ASB4: variants seen among roughly 807,000 people sequenced by gnomAD.
The protein encoded by ASB4 is ankyrin repeat and SOCS box protein 4.
Under a neutral mutation model 38.6 loss-of-function variants are expected in ASB4, and 35 were observed. The observed-to-expected ratio is 0.91, with a 90% CI of 0.69 to 1.20. ASB4 has a LOEUF of 1.20. Ranked by LOEUF, ASB4 falls within the 50% of genes most tolerant of loss-of-function variation. ASB4 has a pLI of 0.00. For synonymous variants in ASB4, 195 were observed against 201.3 expected (o/e 0.97, Z 0.26); for missense variants, 557 against 527.2 (o/e 1.06, Z -0.55).
chr7:95,479,031 C>G lies in ASB4; in HGVS notation n.157+431C>G, dbSNP rs115182268. Among the ~76,000 whole-genome samples, 858 of 152,316 alleles carry G rather than the reference C, an allele frequency of 5.6e-3. 7 individuals are homozygous for G. The highest frequency in any genetic ancestry group is 0.019 in the African/African-American group (796 of 41,570). The stretch of plus-strand genomic sequence containing the variant: ...TTTCAAAAAATCTCAGCAAGGTCTT[C>G]TGCCCTTGCAAAATGGTATTAATCT... On this transcript the variant is annotated intron_variant and non_coding_transcript_variant, in intron 1 of 1. Transcript: ENST00000257621.
chr7:95,518,369 C>G (rs1023256686), intron 2 of ASB4, among the ~76,000 whole-genome samples: 3 of 152,236 alleles, frequency 2.0e-5, no homozygotes, highest in African/African-American at 7.2e-5. Context: ...GTGGGGCAAG[C>G]CTCAGGTAGA....
chr7:95,506,686 CTTTTT>C (rs76270182), intron 2 of ASB4, among the ~76,000 whole-genome samples: 2 of 119,960 alleles, frequency 1.7e-5, no homozygotes, highest in African/African-American at 6.2e-5. Context: ...AATTTAGATT[CTTTTT>C]TTTTTTTTTT....
intron 1 of ASB4, among the ~76,000 whole-genome samples, chr7:95,490,809 C>G (rs1344521544): frequency 1.3e-5 from 2 of 152,274 alleles, no homozygotes; most frequent in Non-Finnish European, 2.9e-5. Flanking sequence ...AAATTAAACA[C>G]ACACGCGCAC....
At chr7:95,510,197 T>C (rs1317470746) in intron 2 of ASB4, among the ~76,000 whole-genome samples, 1 of 152,192 alleles carries the variant, frequency 6.6e-6, no homozygotes, top group East Asian at 1.9e-4. Flanking sequence ...AAACTGTCGA[T>C]GTTTCTTCCG....
At chr7:95,537,305 G>C (rs1790901410) in intron 4 of ASB4, among the ~76,000 whole-genome samples, 1 of 152,086 alleles carries the variant, frequency 6.6e-6, no homozygotes, top group Non-Finnish European at 1.5e-5. Context: ...TTGCTATTTT[G>C]GTTTAGATTC....
At chr7:95,540,370 G>C (rs989459345), downstream of ASB4, 4 of 152,136 alleles carry the variant, frequency 2.6e-5, no homozygotes, top group Non-Finnish European at 5.9e-5. Flanking sequence ...GATTGTGCCT[G>C]TAAATAAATA....
At chr7:95,498,254 T>C (rs1252403795) in intron 2 of ASB4, among the ~76,000 whole-genome samples, 1 of 152,170 alleles carries the variant, frequency 6.6e-6, no homozygotes, top group Non-Finnish European at 1.5e-5. Context: ...GAGAACTGCT[T>C]GGGTCTAGGA....
intron 2 of ASB4, among the ~76,000 whole-genome samples, chr7:95,498,715 A>T (rs929028821): frequency 5.3e-5 from 8 of 151,994 alleles, no homozygotes; most frequent in Non-Finnish European, 8.8e-5. Context: ...CAATTTACCA[A>T]TTTTTTTCCT....
In ASB4 at chr7:95,540,205, C is replaced by CTT. The variant is rs2116664310; in HGVS notation, c.*2447_*2448dup. 1 of 152,164 alleles carries CTT rather than the reference C, an allele frequency of 6.6e-6. No homozygotes were observed. The highest frequency in any genetic ancestry group is 1.9e-4 in the East Asian group (1 of 5,180). The allele number at this position is 152,164 out of a possible 1,614,324, so 9.4% of individuals were successfully genotyped here. ...TATCTTTGAACTTTTATTTAGAGAA[C>CTT]TTAAATAAAGCTCTTCTGTCTCCTT... On this transcript the variant is annotated 3_prime_UTR_variant, in exon 5 of 5. Transcript: ENST00000325885.
At chr7:95,504,543 A>T (rs1186118355) in intron 2 of ASB4, among the ~76,000 whole-genome samples, 1 of 152,204 alleles carries the variant, frequency 6.6e-6, no homozygotes, top group African/African-American at 2.4e-5. Context: ...GACATTTGCA[A>T]ACCACCCTGA....
At chr7:95,540,290 G>T (rs1409877468), downstream of ASB4, 1 of 151,980 alleles carries the variant, frequency 6.6e-6, no homozygotes, top group African/African-American at 2.4e-5. Flanking sequence ...TGACTTTTCA[G>T]CAATGACACT....
At chr7:95,482,600 A>T (rs1278097965), upstream of ASB4, among the ~76,000 whole-genome samples, 2 of 152,232 alleles carry the variant, frequency 1.3e-5, no homozygotes, top group Non-Finnish European at 2.9e-5. Context: ...CATTTCAAGG[A>T]CCACGCCTGA....
At chr7:95,543,149 T>C (rs544553615), downstream of ASB4, 2 of 152,268 alleles carry the variant, frequency 1.3e-5, no homozygotes, top group Non-Finnish European at 2.9e-5. Context: ...GGAACCAATA[T>C]AGATTACGAA....
Position 95,515,407 on chromosome 7 carries a change from T to C in ASB4, c.488-12406T>C, listed in dbSNP as rs566477293. ...TTTTCTTTTTTTTCTTTTCTTTTCT[T>C]TTTCCTTTCTCTCTCTCTTTTTTTT... On this transcript the variant is annotated intron_variant, in intron 2 of 4. Coordinates refer to ENST00000325885, the MANE Select transcript of ASB4 (RefSeq NM_016116.3). Among the ~76,000 whole-genome samples, 50 of 140,056 alleles carry C rather than the reference T, an allele frequency of 3.6e-4. 1 individual carries two copies. The East Asian group carries it at 9.8e-3, about 28-fold the overall frequency. 91.9% of individuals were successfully genotyped at this position (140,056 alleles called of 152,430 possible).
intron 1 of ASB4, among the ~76,000 whole-genome samples, chr7:95,488,189 A>G (rs1790119522): frequency 6.6e-6 from 1 of 152,106 alleles, no homozygotes; most frequent in African/African-American, 2.4e-5. Flanking sequence ...AAAATACAAA[A>G]AATTAGCCAG....
the ASB4 span, among the ~76,000 whole-genome samples, chr7:95,551,027 C>T: frequency 6.6e-6 from 1 of 152,200 alleles, no homozygotes; most frequent in South Asian, 2.1e-4. Flanking sequence ...GTCACGCAGG[C>T]TGGAGTGCAA....
chr7:95,486,221 C>T, intron 1 of ASB4, 63 bp downstream of exon 1: 1 of 1,277,774 alleles, frequency 7.8e-7, no homozygotes, highest in African/African-American at 1.5e-5. Flanking sequence ...TGCACAGTGT[C>T]AGTTATCCAC....
intron 2 of ASB4, among the ~76,000 whole-genome samples, chr7:95,521,796 A>ATT (rs71828281): frequency 6.6e-6 from 1 of 152,026 alleles, no homozygotes; most frequent in African/African-American, 2.4e-5. Context: ...ATAATAGTAT[A>ATT]TTTTTTAAAT....
chr7:95,474,701 T>A (rs189552049), upstream of ASB4, among the ~76,000 whole-genome samples: 1,335 of 151,910 alleles, frequency 8.8e-3, 15 homozygotes, highest in African/African-American at 0.031. Flanking sequence ...TAAAAAAAAA[T>A]TTTTTTTAGA....
Sources: gnomAD v4.1 joint callset for allele counts (sites outside exome capture counted in the v4.1 genomes callset) on GRCh38, gnomAD v4.1.1 for gene constraint, MANE v1.5 for transcripts, NCBI Gene and HGNC (gene_info 2026-07-23, HGNC 2026-07-21) for gene names.